The following TAB2 variants were observed in gnomAD, a reference collection of about 807,000 sequenced individuals.
The protein encoded by TAB2 is TGF-beta activated kinase 1 (MAP3K7) binding protein 2.
TAB2 carries 3 observed loss-of-function variants against 65.0 expected under a neutral mutation model. That is an observed-to-expected ratio of 0.05 (90% CI 0.02 to 0.12). The LOEUF is 0.12. TAB2 is among the 10% of genes least tolerant of loss of function. The pLI, the probability that TAB2 is intolerant of heterozygous loss-of-function variation, is 1.00. For missense variants in TAB2, 623 were observed against 840.3 expected (o/e 0.74, Z 3.20); for synonymous variants, 298 against 285.1 (o/e 1.05, Z -0.46).
chr6:149,347,349 A>G (rs1399416082), intron 1 of TAB2: 1 of 152,216 alleles, frequency 6.6e-6, no homozygotes, highest in Non-Finnish European at 1.5e-5. Context: ...TTTAAGAGGA[A>G]GTAGTGTGGA....
intron 1 of TAB2, among the ~76,000 whole-genome samples, chr6:149,280,255 T>C (rs72997892): frequency 0.054 from 8,160 of 152,256 alleles, 292 homozygotes; most frequent in Middle Eastern, 0.12. Flanking sequence ...ACTTCATGAG[T>C]TGGTTGTGAA....
upstream of TAB2, among the ~76,000 whole-genome samples, chr6:149,317,198 G>T: frequency 6.6e-6 from 1 of 152,036 alleles, no homozygotes; most frequent in East Asian, 1.9e-4. This position sits in a 1 kb window ranked among gnomAD's most constrained non-coding sequence, Gnocchi z 4.7. Flanking sequence ...CGGCCCCCGT[G>T]GCGGGAGGTG....
chr6:149,268,156 G>A (rs1399166536), intron 1 of TAB2, among the ~76,000 whole-genome samples: 1 of 152,134 alleles, frequency 6.6e-6, no homozygotes, highest in Admixed American at 6.5e-5. Context: ...AAGAAACCCA[G>A]ACGTCATCAG....
At chr6:149,350,510 A>G (rs1346479812) in intron 1 of TAB2, among the ~76,000 whole-genome samples, 2 of 152,110 alleles carry the variant, frequency 1.3e-5, no homozygotes, top group African/African-American at 4.8e-5. Context: ...ATCTTCTCTT[A>G]CATTCTTGTA....
At chr6:149,259,431 G>A (rs1049656483) in intron 1 of TAB2, among the ~76,000 whole-genome samples, 4 of 152,014 alleles carry the variant, frequency 2.6e-5, no homozygotes, top group Admixed American at 2.0e-4. Context: ...GAGTCTCACT[G>A]AGAAACATAT....
intron 1 of TAB2, among the ~76,000 whole-genome samples, chr6:149,347,731 G>A (rs185948688): frequency 7.8e-4 from 119 of 151,942 alleles, no homozygotes; most frequent in African/African-American, 2.7e-3. Flanking sequence ...ACTATAAAAA[G>A]TAAATTTTAA....
intron 1 of TAB2, among the ~76,000 whole-genome samples, chr6:149,311,409 T>C (rs1176588369): frequency 2.0e-5 from 3 of 152,256 alleles, no homozygotes; most frequent in Non-Finnish European, 4.4e-5. Context: ...TAACTTAGTT[T>C]CTCTTAAACT....
intron 1 of TAB2, among the ~76,000 whole-genome samples, chr6:149,351,080 C>A (rs529378284): frequency 9.9e-5 from 15 of 152,182 alleles, no homozygotes; most frequent in African/African-American, 3.6e-4. Context: ...TGCCTTACTT[C>A]TTTTATACTT....
chr6:149,269,216 A>G (rs1481512297), intron 1 of TAB2, among the ~76,000 whole-genome samples: 1 of 152,232 alleles, frequency 6.6e-6, no homozygotes, highest in African/African-American at 2.4e-5. Flanking sequence ...ATAAAATGAT[A>G]CATCCTTTGA....
chr6:149,367,686 G>A (rs1309185390), intron 1 of TAB2, among the ~76,000 whole-genome samples: 2 of 152,172 alleles, frequency 1.3e-5, no homozygotes, highest in Non-Finnish European at 2.9e-5. Context: ...GATGAATTAT[G>A]ATGGTGGCTT....
intron 1 of TAB2, among the ~76,000 whole-genome samples, chr6:149,282,964 G>T (rs1778600917): frequency 6.6e-6 from 1 of 152,020 alleles, no homozygotes; most frequent in African/African-American, 2.4e-5. Context: ...ACAGCTTAGG[G>T]GATCAATTTT....
chr6:149,258,934 G>A (rs6940350), intron 1 of TAB2, among the ~76,000 whole-genome samples: 39,385 of 152,100 alleles, frequency 0.26, 5,426 homozygotes, highest in African/African-American at 0.35. Context: ...TGTGAATAAG[G>A]TTCTACAACC....
intron 3 of TAB2, among the ~76,000 whole-genome samples, chr6:149,382,681 C>T (rs1211143880): frequency 1.3e-5 from 2 of 151,986 alleles, no homozygotes; most frequent in Admixed American, 6.6e-5. Context: ...TCCAGATTTT[C>T]ATAATAAACC....
chr6:149,387,199 C>T (rs1008701632), intron 3 of TAB2, among the ~76,000 whole-genome samples: 1 of 152,094 alleles, frequency 6.6e-6, no homozygotes, highest in Non-Finnish European at 1.5e-5. Flanking sequence ...TAAAGATTTA[C>T]CCCTATTTTT....
rs1779304347 is a variant in TAB2 at position 149,317,902 on chromosome 6, CGGCGCTGGCGGCGGCCGTGGTGGCGGA to C, written c.-198_-172del. ...TGCCGGGTGGAACCGGAGGCGGCGG[CGGCGCTGGCGGCGGCCGTGGTGGCGGA>C]GGCGACGGTGGAGACGGCTGCCCTA... On this transcript the variant is annotated 5_prime_UTR_variant, in exon 1 of 7. Transcript: ENST00000637181. The surrounding 1 kb of genome is among the most constrained non-coding windows in gnomAD (Gnocchi z 4.7). The C allele has an allele frequency of 2.9e-5, 5 of 170,470 alleles. No homozygotes were observed. The South Asian group carries it at 4.3e-4, about 15-fold the overall frequency. 10.6% of individuals were successfully genotyped at this position (170,470 alleles called of 1,614,324 possible).
intron 1 of TAB2, among the ~76,000 whole-genome samples, chr6:149,226,796 C>A (rs981199938): frequency 6.6e-6 from 1 of 152,180 alleles, no homozygotes; most frequent in Non-Finnish European, 1.5e-5. Context: ...TTATTGAGTT[C>A]CATGAGGCCA....
intron 1 of TAB2, among the ~76,000 whole-genome samples, chr6:149,357,427 A>AC (rs1335199545): frequency 0.017 from 2,296 of 136,218 alleles, 109 homozygotes; most frequent in African/African-American, 0.067. Context: ...AGGAGAAAAA[A>AC]AAAACACACA....
intron 1 of TAB2, among the ~76,000 whole-genome samples, chr6:149,300,881 AAG>A (rs1211727505): frequency 6.6e-6 from 1 of 152,228 alleles, no homozygotes; most frequent in East Asian, 1.9e-4. Context: ...GCTTCCTGGA[AAG>A]AGAGAATCCT....
At chr6:149,407,991 A>C (rs1199943311) in intron 6 of TAB2, among the ~76,000 whole-genome samples, 1 of 152,196 alleles carries the variant, frequency 6.6e-6, no homozygotes, top group East Asian at 1.9e-4. Flanking sequence ...CTTTGCAGTT[A>C]AACAGAATCA....
Sources: gnomAD v4.1 joint callset for allele counts (sites outside exome capture counted in the v4.1 genomes callset) on GRCh38, gnomAD v4.1.1 for gene constraint, Gnocchi (gnomAD v3.1) non-coding constraint, MANE v1.5 for transcripts, NCBI Gene and HGNC (gene_info 2026-07-23, HGNC 2026-07-21) for gene names.